Variants in REG4 observed in about 807,000 individuals in gnomAD.
REG4 encodes regenerating family member 4.
REG4 carries 16 observed loss-of-function variants against 22.3 expected under a neutral mutation model. That is an observed-to-expected ratio of 0.72 (90% CI 0.49 to 1.09). The LOEUF (loss-of-function observed/expected upper bound fraction) is 1.09. Ranked by LOEUF, REG4 falls within the 50% of genes least tolerant of loss-of-function variation. The pLI, the probability that REG4 is intolerant of heterozygous loss-of-function variation, is 0.00. For synonymous variants in REG4, 71 were observed against 69.2 expected (o/e 1.03, Z -0.13); for missense variants, 214 against 193.9 (o/e 1.10, Z -0.61).
At chr1:119,811,375 A>G (rs1654492220) in intron 1 of REG4, 34 bp downstream of exon 1, 1 of 152,226 alleles carries the variant, frequency 6.6e-6, no homozygotes, top group Non-Finnish European at 1.5e-5. Flanking sequence ...ATGTTTAAAG[A>G]AAGTCCCCCA....
At position 119,794,451 on chromosome 1, in the gene REG4, C is replaced by A; in HGVS notation, c.*167G>T. 1 of 691,476 alleles carries A rather than the reference C, an allele frequency of 1.4e-6. No homozygotes were observed. Among genetic ancestry groups the A allele is most frequent in the South Asian group, 1.7e-5 (1 of 58,422 alleles). 42.8% of individuals were successfully genotyped at this position (691,476 alleles called of 1,614,324 possible). A position where few individuals can be genotyped will look rare whatever the true frequency, so the allele number is the denominator to read the frequency against. On this transcript the variant is annotated 3_prime_UTR_variant, in exon 6 of 6. Coordinates refer to ENST00000256585, the MANE Select transcript of REG4 (RefSeq NM_032044.4). ...TTAGAGCTAGAAGCCACTACTGGGC[C>A]AATGCTAAAGTTTCTGTCTCTAAGC...
chr1:119,800,368 C>T (rs1394006667), intron 3 of REG4, among the ~76,000 whole-genome samples: 1 of 152,218 alleles, frequency 6.6e-6, no homozygotes, highest in Non-Finnish European at 1.5e-5. Context: ...GTGTTTGTAG[C>T]ACACTCCTGA....
intron 5 of REG4, among the ~76,000 whole-genome samples, chr1:119,797,229 C>T (rs1243256471): frequency 6.6e-6 from 1 of 152,042 alleles, no homozygotes; most frequent in East Asian, 1.9e-4. Flanking sequence ...AGTAAAAATC[C>T]ACTTGTTGAT....
chr1:119,803,266 T>C, intron 2 of REG4, 101 bp from the exon 3 acceptor site: 1 of 1,214,120 alleles, frequency 8.2e-7, no homozygotes, highest in Non-Finnish European at 1.1e-6. Flanking sequence ...ATGAAGAGAG[T>C]CCCTTCATGA....
intron 3 of REG4, chr1:119,802,760 C>T: frequency 1.4e-6 from 2 of 1,448,352 alleles, no homozygotes; most frequent in South Asian, 1.5e-5. Flanking sequence ...ATCTTCTCTT[C>T]CTCCTTTGAT....
chr1:119,797,238 A>G (rs1389738634), intron 5 of REG4, among the ~76,000 whole-genome samples: 3 of 152,134 alleles, frequency 2.0e-5, no homozygotes, highest in African/African-American at 7.2e-5. Flanking sequence ...CCACTTGTTG[A>G]TAGCCTCTAC....
In REG4 at chr1:119,794,739, CAG is replaced by C. The variant is rs1653884070; in HGVS notation, c.410-56_410-55del. The C allele has an allele frequency of 5.3e-6, 8 of 1,501,424 alleles. No individual in the cohort carries two copies. The Admixed American group carries it at 1.0e-4, about 19-fold the overall frequency. 93.0% of individuals were successfully genotyped at this position (1,501,424 alleles called of 1,614,324 possible). ...CCATTCAGTACTATACTGAGCTTGCCAGAGTTATCTGGGTGTTTTTCTTGGAA... is the reference window on the plus strand; with the variant it reads ...CCATTCAGTACTATACTGAGCTTGCCAGTTATCTGGGTGTTTTTCTTGGAA... On this transcript the variant is annotated intron_variant, in intron 5 of 5. Transcript: ENST00000256585.
At chr1:119,810,914 C>T (rs997081707) in intron 1 of REG4, among the ~76,000 whole-genome samples, 11 of 152,008 alleles carry the variant, frequency 7.2e-5, no homozygotes, top group East Asian at 1.9e-4. Flanking sequence ...ATTAGCTGGG[C>T]GTGGTGGCAA....
chr1:119,796,864 G>C (rs1404613551), intron 5 of REG4, among the ~76,000 whole-genome samples: 1 of 152,206 alleles, frequency 6.6e-6, no homozygotes, highest in Non-Finnish European at 1.5e-5. Context: ...ACAGGGAAAG[G>C]ACTTTCGTTT....
At chr1:119,811,001 C>G (rs1237741695) in intron 1 of REG4, among the ~76,000 whole-genome samples, 1 of 152,084 alleles carries the variant, frequency 6.6e-6, no homozygotes, top group East Asian at 1.9e-4. Flanking sequence ...TTGCAGTGAG[C>G]CAAGATTGCA....
intron 2 of REG4, among the ~76,000 whole-genome samples, chr1:119,805,138 A>T (rs1654257333): frequency 6.6e-6 from 1 of 152,320 alleles, no homozygotes; most frequent in African/African-American, 2.4e-5. Context: ...AACAGAAATA[A>T]TTAATTGGGC....
chr1:119,799,702 T>C, intron 4 of REG4, 23 bp downstream of exon 4: 1 of 1,607,656 alleles, frequency 6.2e-7, no homozygotes, highest in Non-Finnish European at 8.5e-7. Flanking sequence ...CAAGAGGGCC[T>C]TTGTGGCCAA....
chr1:119,799,156 C>G lies in REG4; in HGVS notation c.304-554G>C, dbSNP rs587727837. ...TGTTTGTCTGAGTCAACTAAAGAAG[C>G]CCCACCAAGAATCTGTGAACTGAAG... is the stretch of plus-strand genomic sequence containing the variant. On this transcript the variant is annotated intron_variant, in intron 4 of 5. Transcript: ENST00000256585. 2.6e-5 allele frequency among the ~76,000 whole-genome samples: 4 copies of G among 152,178 alleles called. No individual in the cohort carries two copies. The East Asian group carries it at 7.7e-4, about 29-fold the overall frequency.
chr1:119,805,639 C>T (rs1184773723), intron 2 of REG4, among the ~76,000 whole-genome samples: 2 of 152,062 alleles, frequency 1.3e-5, no homozygotes, highest in African/African-American at 4.8e-5. Context: ...TCTCTGAGTG[C>T]TGCTCTCTGT....
At chr1:119,795,859 C>T (rs1275342723) in intron 5 of REG4, among the ~76,000 whole-genome samples, 5 of 152,222 alleles carry the variant, frequency 3.3e-5, no homozygotes, top group Non-Finnish European at 7.3e-5. Flanking sequence ...AGGCCATGGG[C>T]CAGGCTTGAG....
intron 5 of REG4, among the ~76,000 whole-genome samples, chr1:119,797,130 C>G (rs1471253816): frequency 6.6e-6 from 1 of 152,166 alleles, no homozygotes; most frequent in African/African-American, 2.4e-5. Flanking sequence ...GCTTGGTTAA[C>G]TCTGGTTATA....
In REG4 at chr1:119,794,088, T is replaced by C. The variant is rs1172724493; in HGVS notation, c.*530A>G. On this transcript the variant is annotated 3_prime_UTR_variant, in exon 6 of 6. Coordinates refer to ENST00000256585, the MANE Select transcript of REG4 (RefSeq NM_032044.4). ...ACTGAACTGGAACACAGCAACCTCT[T>C]ATGTACACAATGGTTTATTAAAGGA... 1.1e-5 allele frequency: 6 copies of C among 532,780 alleles called. No homozygotes were observed. The African/African-American group carries it at 1.2e-4, about 10-fold the overall frequency. 33.0% of individuals were successfully genotyped at this position (532,780 alleles called of 1,614,324 possible). A position where few individuals can be genotyped will look rare whatever the true frequency, so the allele number is the denominator to read the frequency against.
intron 1 of REG4, among the ~76,000 whole-genome samples, chr1:119,811,050 TA>T (rs1342669642): frequency 1.1e-4 from 16 of 151,956 alleles, no homozygotes; most frequent in Non-Finnish European, 2.2e-4. Context: ...CAAGACTCCA[TA>T]AAAAAACAAA....
intron 3 of REG4, chr1:119,802,338 A>T (rs1222893309): frequency 1.5e-5 from 15 of 985,668 alleles, no homozygotes; most frequent in African/African-American, 1.7e-5. Flanking sequence ...TAGCCTCAGT[A>T]GCTGGCATGT....
Sources: allele counts gnomAD v4.1 joint callset (sites outside exome capture counted in the v4.1 genomes callset), GRCh38; gene constraint gnomAD v4.1.1; transcripts MANE v1.5; gene names NCBI Gene and HGNC (gene_info 2026-07-23, HGNC 2026-07-21).